Variants in COL17A1 observed in about 807,000 individuals in gnomAD.
COL17A1 encodes the protein collagen alpha-1(XVII) chain.
Under a neutral mutation model 218.4 loss-of-function variants are expected in COL17A1, and 181 were observed. That is an observed-to-expected ratio of 0.83 (90% CI 0.73 to 0.94). The LOEUF (loss-of-function observed/expected upper bound fraction) is 0.94. Ranked by LOEUF, COL17A1 falls within the 40% of genes least tolerant of loss-of-function variation. COL17A1 has a pLI of 0.00. For synonymous variants in COL17A1, 721 were observed against 731.0 expected (o/e 0.99, Z 0.22); for missense variants, 1,924 against 1,945.9 (o/e 0.99, Z 0.21).
chr10:104,035,433 C>G lies in COL17A1; in HGVS notation c.3508+41G>C, dbSNP rs754637224. 13 of 1,613,504 alleles carry G rather than the reference C, an allele frequency of 8.1e-6. No individual in the cohort carries two copies. The South Asian group carries it at 1.4e-4, about 18-fold the overall frequency. On this transcript the variant is annotated intron_variant, in intron 49 of 55. Coordinates refer to ENST00000648076, the MANE Select transcript of COL17A1 (RefSeq NM_000494.4). ...GGCCTGGGCCAAGGGACTCTGCTTC[C>G]TCCCCAACCAGTTGGACAGATGTCC...
intron 17 of COL17A1, among the ~76,000 whole-genome samples, chr10:104,056,381 G>C (rs1001183528): frequency 1.4e-4 from 21 of 152,048 alleles, no homozygotes; most frequent in Admixed American, 2.6e-4. Context: ...AGGAAATCGA[G>C]ACCATCCTGG....
chr10:104,077,438 G>A lies in COL17A1; in HGVS notation c.186C>T (p.Ser62=), dbSNP rs149685665. ...LEKQSLTHGS[S]GYINSTGSTR... ...GGCACTCACTTGAGTTTATGTAGCC[G>A]CTGCTGCCATGAGTCAGGCTTTGTT... Residue 62 remains serine, a synonymous_variant, in exon 4 of 56, where the codon AGC becomes AGT. Transcript: ENST00000648076. 1.5e-4 allele frequency: 238 copies of A among 1,612,672 alleles called. No homozygotes were observed. The East Asian group carries it at 4.6e-3, about 31-fold the overall frequency.
chr10:104,033,108 A>AATTTGTCT (rs1409249344), intron 53 of COL17A1, 130 bp downstream of exon 53: 3 of 1,518,196 alleles, frequency 2.0e-6, no homozygotes, highest in Non-Finnish European at 2.7e-6. Flanking sequence ...GAATTTATAG[A>AATTTGTCT]ATTTGTCTAA....
intron 31 of COL17A1, among the ~76,000 whole-genome samples, chr10:104,047,030 T>C (rs2086417480): frequency 6.6e-6 from 1 of 152,138 alleles, no homozygotes; most frequent in African/African-American, 2.4e-5. Flanking sequence ...CACAGACCCT[T>C]TTGGAATCTG....
chr10:104,059,688 T>C lies in COL17A1; in HGVS notation c.1172A>G (p.Glu391Gly). 1.9e-6 allele frequency: 3 copies of C among 1,614,268 alleles called. No homozygotes were observed. Among genetic ancestry groups the C allele is most frequent in the Non-Finnish European group, 2.5e-6 (3 of 1,180,050 alleles). ...TSFSEDTLKK[E>G]KQAAYNADSG... ...GTCAGCATTGTAGGCAGCTTGCTTTTCTTTTTTTAGGGTGTCTTCTGAAAA... is the reference window on the plus strand; with the variant it reads ...GTCAGCATTGTAGGCAGCTTGCTTTCCTTTTTTTAGGGTGTCTTCTGAAAA... Residue 391 changes from glutamate (E) to glycine (G), a missense_variant, in exon 15 of 56, where the codon GAA (glutamate) becomes GGA (glycine). Physicochemically the swap from Glu to Gly is moderately conservative, Grantham distance 98 (BLOSUM62 -2). Transcript: ENST00000648076.
At chr10:104,046,622 G>A (rs913467975) in intron 32 of COL17A1, 125 bp downstream of exon 32, 17 of 882,392 alleles carry the variant, frequency 1.9e-5, no homozygotes, top group African/African-American at 3.3e-5. Flanking sequence ...CATAGTGAAA[G>A]GGAGTGTGTG....
At chr10:104,037,852 T>G in intron 45 of COL17A1, 79 bp from the exon 46 acceptor site, 1 of 1,550,554 alleles carries the variant, frequency 6.4e-7, no homozygotes, top group Non-Finnish European at 8.7e-7. Flanking sequence ...CTGAAGCACA[T>G]GATAACATGC....
In COL17A1 at chr10:104,078,606, A is replaced by G. The variant is rs778015257; in HGVS notation, c.53-20T>C. 1.2e-6 allele frequency: 2 copies of G among 1,613,988 alleles called. No individual in the cohort carries two copies. The highest frequency in any genetic ancestry group is 2.7e-5 in the African/African-American group (2 of 74,936). ...TGACAACTAGAAAAAGACAAAGAAA[A>G]GATGAGTTCTTATGTAATGCACTGA... On this transcript the variant is annotated intron_variant, in intron 2 of 55. Transcript: ENST00000648076.
chr10:104,077,377 T>C, intron 4 of COL17A1, 45 bp downstream of exon 4: 1 of 1,487,724 alleles, frequency 6.7e-7, no homozygotes, highest in Non-Finnish European at 9.3e-7. Context: ...GTCTCTCTCT[T>C]TGTCACCCAT....
intron 27 of COL17A1, among the ~76,000 whole-genome samples, 164 bp from the exon 28 acceptor site, chr10:104,050,288 C>T (rs1309755130): frequency 6.6e-6 from 1 of 152,194 alleles, no homozygotes; most frequent in Non-Finnish European, 1.5e-5. Context: ...CAAAGGAGCA[C>T]ATCTGATCTT....
At position 104,078,562 on chromosome 10, in the gene COL17A1, C is replaced by T. The variant is rs1234699637; in HGVS notation, c.77G>A (p.Arg26Lys). The change falls in exon 3 of 56, where the codon AGA (arginine) becomes AAA (lysine). Residue 26 changes from arginine (R) to lysine (K), a missense_variant. Physicochemically the swap from Arg to Lys is conservative, Grantham distance 26 (BLOSUM62 2). Transcript: ENST00000648076. ...CTTACTTGGTGGTAAGGATGTAAGTCTTGTGGTTACTGTTTCAGTGACAAC... is the reference window on the plus strand; with the variant it reads ...CTTACTTGGTGGTAAGGATGTAAGTTTTGTGGTTACTGTTTCAGTGACAAC... The part of the protein sequence containing the change: ...ERIVTETVTT[R>K]LTSLPPKGGT... 3 of 1,614,100 alleles carry T rather than the reference C, an allele frequency of 1.9e-6. No individual in the cohort carries two copies. In the Admixed American group the frequency reaches 5.0e-5, roughly 27 times the overall value.
Position 104,040,361 on chromosome 10 carries a change from C to T in COL17A1, c.2751G>A (p.Lys917=). The change falls in exon 40 of 56, where the codon AAG becomes AAA. Residue 917 remains lysine, a synonymous_variant. Coordinates refer to ENST00000648076, the MANE Select transcript of COL17A1 (RefSeq NM_000494.4). ...PPGPPGPPGP[K]GDQGPPGPRG... Reference sequence around the variant, plus strand: ...ATACACTGTTCTCACCTTGGTCTCCCTTGGGACCTGGGGGGCCAGGTGGGC... The same window carrying T: ...ATACACTGTTCTCACCTTGGTCTCCTTTGGGACCTGGGGGGCCAGGTGGGC... 1.2e-6 allele frequency: 2 copies of T among 1,609,822 alleles called. No homozygotes were observed. The highest frequency in any genetic ancestry group is 4.5e-5 in the East Asian group (2 of 44,836).
Position 104,034,690 on chromosome 10 carries a change from C to G in COL17A1, c.3697G>C (p.Gly1233Arg), listed in dbSNP as rs1025809702. ...PGPRGPPGVSGALATYAAENS... is the reference protein window; with the variant it reads ...PGPRGPPGVSRALATYAAENS... ...TCAGCTGCATAGGTTGCCAGGGCTC[C>G]TGAGACACCCGGGGGCCCTCGAGGC... The change falls in exon 51 of 56, where the codon GGA becomes CGA. Residue 1233 changes from glycine to arginine, a missense_variant. Coordinates refer to ENST00000648076, the MANE Select transcript of COL17A1 (RefSeq NM_000494.4). 6.2e-7 allele frequency: 1 copy of G among 1,610,582 alleles called. No homozygotes were observed. Among genetic ancestry groups the G allele is most frequent in the Non-Finnish European group, 8.5e-7 (1 of 1,178,902 alleles).
intron 9 of COL17A1, 127 bp from the exon 10 acceptor site, chr10:104,064,723 TTC>T: frequency 2.2e-6 from 2 of 892,002 alleles, no homozygotes; most frequent in South Asian, 2.8e-5. Flanking sequence ...TTCAGGAACT[TTC>T]TCAGTCCAGG....
Position 104,055,215 on chromosome 10 carries a change from C to T in COL17A1, c.1717+157G>A, listed in dbSNP as rs370170719. On this transcript the variant is annotated intron_variant, in intron 19 of 55. Coordinates refer to ENST00000648076, the MANE Select transcript of COL17A1 (RefSeq NM_000494.4). ...TGCTGCCTTATCTAAGATATTCTGACTCTAAAACCAACAGATACCTCCCAA... is the reference window on the plus strand; with the variant it reads ...TGCTGCCTTATCTAAGATATTCTGATTCTAAAACCAACAGATACCTCCCAA... 1.3e-4 allele frequency: 193 copies of T among 1,459,856 alleles called. 1 individual carries two copies. The East Asian group carries it at 1.9e-3, about 14-fold the overall frequency. The allele number at this position is 1,459,856 out of a possible 1,614,324, so 90.4% of individuals were successfully genotyped here.
intron 29 of COL17A1, among the ~76,000 whole-genome samples, chr10:104,048,737 G>A (rs1023642623): frequency 2.6e-5 from 4 of 152,136 alleles, no homozygotes; most frequent in Admixed American, 6.5e-5. Flanking sequence ...CACAGTGTCA[G>A]CACTCACAGC....
chr10:104,052,625 G>A (rs2086480860), intron 23 of COL17A1, among the ~76,000 whole-genome samples: 1 of 152,042 alleles, frequency 6.6e-6, no homozygotes, highest in Non-Finnish European at 1.5e-5. Flanking sequence ...CTATGTCTGG[G>A]GCCTTCCCCA....
intron 48 of COL17A1, among the ~76,000 whole-genome samples, chr10:104,035,911 AGTGTGTAT>A (rs2086280640): frequency 7.4e-6 from 1 of 135,260 alleles, no homozygotes; most frequent in African/African-American, 2.9e-5. Flanking sequence ...TGTGTATGGG[AGTGTGTAT>A]GAGTGTGTGT....
rs1264735500 is a variant in COL17A1 at position 104,034,786 on chromosome 10, A to G, written c.3620-19T>C. The stretch of plus-strand genomic sequence containing the variant: ...CCGGCAGCTGGGCAGAAGGAAGAGA[A>G]AGAAAGGTCGGGGTAGTGCTGCGGA... On this transcript the variant is annotated intron_variant, in intron 50 of 55. Coordinates refer to ENST00000648076, the MANE Select transcript of COL17A1 (RefSeq NM_000494.4). 3.7e-6 allele frequency: 6 copies of G among 1,609,996 alleles called. No homozygotes were observed. Among genetic ancestry groups the G allele is most frequent in the Non-Finnish European group, 5.1e-6 (6 of 1,179,136 alleles).
Sources: allele counts gnomAD v4.1 joint callset (sites outside exome capture counted in the v4.1 genomes callset), GRCh38; gene constraint gnomAD v4.1.1; transcripts MANE v1.5; gene names NCBI Gene and HGNC (gene_info 2026-07-23, HGNC 2026-07-21).